TAB2: variants seen among roughly 807,000 people sequenced by gnomAD.
TAB2 encodes the protein TGF-beta activated kinase 1 (MAP3K7) binding protein 2, also known as TGF-beta-activated kinase 1 and MAP3K7-binding protein 2.
TAB2 carries 3 observed loss-of-function variants against 65.0 expected under a neutral mutation model. That is an observed-to-expected ratio of 0.05 (90% CI 0.02 to 0.12). The LOEUF is 0.12. TAB2 is among the 10% of genes least tolerant of loss of function. The probability of loss-of-function intolerance (pLI) is 1.00; values close to 1 mark genes in which losing one functional copy is unlikely to be tolerated. For synonymous variants in TAB2, 298 were observed against 285.1 expected, an observed-to-expected ratio of 1.05 and a Z score of -0.46; for missense variants, 623 against 840.3, an observed-to-expected ratio of 0.74 and a Z score of 3.20.
intron 1 of TAB2, among the ~76,000 whole-genome samples, chr6:149,358,235 A>G (rs579789): frequency 0.37 from 55,533 of 152,058 alleles, 10,403 homozygotes; most frequent in East Asian, 0.6. Context: ...CTTCAGGATG[A>G]GACCCACATC....
chr6:149,276,374 A>T (rs1778475112), intron 1 of TAB2, among the ~76,000 whole-genome samples: 1 of 152,188 alleles, frequency 6.6e-6, no homozygotes, highest in South Asian at 2.1e-4. Flanking sequence ...CCAAAATGTT[A>T]TCCAGGAGAT....
intron 1 of TAB2, among the ~76,000 whole-genome samples, chr6:149,250,755 A>G (rs1482475678): frequency 6.6e-6 from 1 of 152,206 alleles, no homozygotes; most frequent in East Asian, 1.9e-4. Flanking sequence ...GGTACGTTGA[A>G]TTGATGAGGC....
At chr6:149,409,148 A>AG (rs1244824847) in intron 6 of TAB2, among the ~76,000 whole-genome samples, 1 of 152,220 alleles carries the variant, frequency 6.6e-6, no homozygotes, top group Non-Finnish European at 1.5e-5. Flanking sequence ...TGACAAAAAA[A>AG]ACTGCCCTTT....
At chr6:149,290,407 A>C (rs1778754890) in intron 1 of TAB2, among the ~76,000 whole-genome samples, 2 of 152,138 alleles carry the variant, frequency 1.3e-5, no homozygotes, top group South Asian at 4.2e-4. Flanking sequence ...GTTTTTCTCA[A>C]TAACAATTAT....
intron 3 of TAB2, among the ~76,000 whole-genome samples, chr6:149,387,932 A>G (rs1274590597): frequency 2.6e-5 from 4 of 152,180 alleles, no homozygotes; most frequent in Admixed American, 2.0e-4. Context: ...AGTAGTTGCT[A>G]ATCTTGTTTT....
intron 1 of TAB2, among the ~76,000 whole-genome samples, chr6:149,299,467 G>T (rs999112840): frequency 6.6e-6 from 1 of 152,300 alleles, no homozygotes; most frequent in South Asian, 2.1e-4. Flanking sequence ...AGCTACTCAG[G>T]ACGCTGAGGC....
At chr6:149,275,300 G>GAAAGAAAGAGAA (rs1223068467) in intron 1 of TAB2, among the ~76,000 whole-genome samples, 1 of 128,302 alleles carries the variant, frequency 7.8e-6, no homozygotes, top group South Asian at 2.5e-4. Flanking sequence ...AAGAAAGAAA[G>GAAAGAAAGAGAA]AGAAAAAAGA....
upstream of TAB2, among the ~76,000 whole-genome samples, chr6:149,315,597 T>C (rs549809702): frequency 6.6e-6 from 1 of 152,232 alleles, no homozygotes; most frequent in Non-Finnish European, 1.5e-5. Context: ...ATGTCCTATA[T>C]GACATTTTTC....
intron 1 of TAB2, among the ~76,000 whole-genome samples, chr6:149,268,217 T>C (rs937351315): frequency 6.6e-6 from 1 of 152,144 alleles, no homozygotes; most frequent in Non-Finnish European, 1.5e-5. Context: ...CCCAGGCTCC[T>C]TCTCGGTTGT....
intron 1 of TAB2, among the ~76,000 whole-genome samples, chr6:149,323,405 T>G (rs939297423): frequency 2.0e-5 from 3 of 152,152 alleles, no homozygotes; most frequent in Admixed American, 2.0e-4. Flanking sequence ...AATAATTATT[T>G]GCTCTTAACT....
At chr6:149,402,552 A>G (rs1562455627) in intron 6 of TAB2, among the ~76,000 whole-genome samples, 1 of 148,100 alleles carries the variant, frequency 6.8e-6, no homozygotes, top group African/African-American at 2.5e-5. Context: ...TCTGTCAAAC[A>G]CTCAAACAAG....
intron 1 of TAB2, among the ~76,000 whole-genome samples, chr6:149,305,107 A>G (rs565860278): frequency 6.6e-5 from 10 of 152,088 alleles, no homozygotes; most frequent in South Asian, 4.2e-4. Context: ...TCCATCTACA[A>G]TTGGTTGGAT....
At chr6:149,223,481 A>G (rs567953819) in intron 1 of TAB2, among the ~76,000 whole-genome samples, 1 of 152,152 alleles carries the variant, frequency 6.6e-6, no homozygotes, top group Non-Finnish European at 1.5e-5. Context: ...TTGTCTTGCT[A>G]TTTTGTAGAG....
intron 3 of TAB2, among the ~76,000 whole-genome samples, chr6:149,383,489 A>C (rs914069088): frequency 6.6e-6 from 1 of 152,152 alleles, no homozygotes; most frequent in Non-Finnish European, 1.5e-5. Flanking sequence ...GTGTGTGCAC[A>C]CTGTTTTGGG....
At chr6:149,268,267 G>A (rs1483709428) in intron 1 of TAB2, among the ~76,000 whole-genome samples, 1 of 152,156 alleles carries the variant, frequency 6.6e-6, no homozygotes, top group East Asian at 1.9e-4. Context: ...CACTGTGGCT[G>A]CTCCACCCCA....
At chr6:149,381,591 T>TG (rs150069041) in intron 3 of TAB2, among the ~76,000 whole-genome samples, 9,855 of 126,448 alleles carry the variant, frequency 0.078, 398 homozygotes, top group East Asian at 0.33. Flanking sequence ...TTTTTTTTTT[T>TG]GGGACAGGGT....
At chr6:149,303,691 T>A (rs893973209) in intron 1 of TAB2, among the ~76,000 whole-genome samples, 18 of 152,216 alleles carry the variant, frequency 1.2e-4, no homozygotes, top group Admixed American at 1.2e-3. Context: ...TTTTGTTCAA[T>A]CCACAACAGA....
At chr6:149,372,640 A>G (rs1050531084) in intron 2 of TAB2, among the ~76,000 whole-genome samples, 1 of 152,294 alleles carries the variant, frequency 6.6e-6, no homozygotes. Flanking sequence ...GTTAATGAAA[A>G]TGAAATACTT....
intron 1 of TAB2, among the ~76,000 whole-genome samples, chr6:149,239,133 A>G (rs1777551202): frequency 6.6e-6 from 1 of 152,250 alleles, no homozygotes; most frequent in Non-Finnish European, 1.5e-5. Context: ...AGTGACTCTT[A>G]GAAAGGGATC....
Sources: allele counts gnomAD v4.1 joint callset (sites outside exome capture counted in the v4.1 genomes callset), GRCh38; gene constraint gnomAD v4.1.1; transcripts MANE v1.5; gene names NCBI Gene and HGNC (gene_info 2026-07-23, HGNC 2026-07-21).